Variants in SV2C observed in about 807,000 individuals in gnomAD.
SV2C encodes synaptic vesicle glycoprotein 2C, also known as solute carrier family 22 member B3.
A neutral mutation model predicts 79.7 loss-of-function variants in SV2C; 49 were observed. The ratio of observed to expected loss-of-function variants is 0.61; its 90% confidence interval spans 0.49 to 0.78. SV2C has a LOEUF of 0.78. Ranked by LOEUF, SV2C falls within the 30% of genes least tolerant of loss-of-function variation. The probability of loss-of-function intolerance (pLI) is 0.00; values close to 1 mark genes in which losing one functional copy is unlikely to be tolerated. For missense variants in SV2C, 833 were observed against 912.9 expected (o/e 0.91, Z 1.13); for synonymous variants, 334 against 333.2 (o/e 1.00, Z -0.03).
At chr5:76,087,303 G>A (rs748865752) in intron 1 of SV2C, among the ~76,000 whole-genome samples, 3 of 152,142 alleles carry the variant, frequency 2.0e-5, no homozygotes, top group Non-Finnish European at 2.9e-5. Context: ...CCTAATGTGC[G>A]TTATGCTTGC....
intron 2 of SV2C, among the ~76,000 whole-genome samples, chr5:76,163,252 G>A (rs1310997847): frequency 6.6e-6 from 1 of 152,038 alleles, no homozygotes; most frequent in Non-Finnish European, 1.5e-5. Flanking sequence ...GACCTGTTCT[G>A]TGGTTGCACT....
At chr5:76,039,071 C>A in the SV2C span, among the ~76,000 whole-genome samples, 17 of 152,206 alleles carry the variant, frequency 1.1e-4, no homozygotes, top group Non-Finnish European at 2.1e-4. Flanking sequence ...ACTAGACATT[C>A]AAGATGTGTC....
At chr5:76,037,579 C>G in the SV2C span, among the ~76,000 whole-genome samples, 3 of 152,268 alleles carry the variant, frequency 2.0e-5, no homozygotes, top group East Asian at 5.8e-4. Context: ...GTCGGGGACC[C>G]ACTTGAGGAG....
chr5:76,279,868 C>T (rs962764348), intron 4 of SV2C, among the ~76,000 whole-genome samples: 13 of 152,102 alleles, frequency 8.5e-5, no homozygotes, highest in African/African-American at 2.9e-4. Flanking sequence ...GGAACAGATA[C>T]TTACAGGAGT....
At chr5:75,973,699 A>G in the SV2C span, among the ~76,000 whole-genome samples, 3 of 151,988 alleles carry the variant, frequency 2.0e-5, no homozygotes, top group Non-Finnish European at 2.9e-5. Context: ...TAGAAGAGTA[A>G]GTACTACAAA....
chr5:76,135,941 T>C (rs1053172090), intron 2 of SV2C, among the ~76,000 whole-genome samples: 1 of 152,222 alleles, frequency 6.6e-6, no homozygotes, highest in African/African-American at 2.4e-5. Context: ...TGCTGGCACC[T>C]CTTCCCTTGC....
At chr5:76,205,145 G>A (rs1226569771) in intron 3 of SV2C, among the ~76,000 whole-genome samples, 1 of 147,322 alleles carries the variant, frequency 6.8e-6, no homozygotes, top group African/African-American at 2.5e-5. Context: ...TTGAGGTGTT[G>A]TGCGTGTGTG....
At chr5:76,194,342 C>T (rs958868682) in intron 2 of SV2C, among the ~76,000 whole-genome samples, 9 of 152,152 alleles carry the variant, frequency 5.9e-5, no homozygotes, top group African/African-American at 2.2e-4. Context: ...GAGGCATGAG[C>T]GGCAAACTTG....
chr5:75,921,389 G>A, the SV2C span: 1 of 845,072 alleles, frequency 1.2e-6, no homozygotes, highest in Admixed American at 1.7e-5. Flanking sequence ...GTCCTGCCCT[G>A]GGTCAAACTG....
At chr5:76,343,559 T>C (rs763697896) in intron 12 of SV2C, among the ~76,000 whole-genome samples, 2 of 151,986 alleles carry the variant, frequency 1.3e-5, no homozygotes, top group Non-Finnish European at 2.9e-5. Context: ...AAAAGACTGA[T>C]AATACCATGT....
intron 4 of SV2C, among the ~76,000 whole-genome samples, chr5:76,230,649 C>T (rs576808172): frequency 2.6e-5 from 4 of 152,034 alleles, no homozygotes; most frequent in East Asian, 3.9e-4. Context: ...ATTATCTGGG[C>T]GTGATGGCGG....
chr5:76,058,042 G>A, the SV2C span, among the ~76,000 whole-genome samples: 1 of 152,116 alleles, frequency 6.6e-6, no homozygotes, highest in Non-Finnish European at 1.5e-5. Flanking sequence ...TTAACACAGA[G>A]ATACTATTAT....
At chr5:76,128,397 A>C (rs557039646) in intron 1 of SV2C, among the ~76,000 whole-genome samples, 5 of 152,318 alleles carry the variant, frequency 3.3e-5, no homozygotes, top group African/African-American at 1.2e-4. Flanking sequence ...GTTATAAAAC[A>C]ATTTTAGTGT....
intron 1 of SV2C, among the ~76,000 whole-genome samples, chr5:76,122,146 A>T (rs149983693): frequency 0.084 from 12,337 of 146,316 alleles, 2,292 homozygotes; most frequent in African/African-American, 0.31. Flanking sequence ...TGAATGGGAG[A>T]TCACTCATAA....
rs922357260 is a variant in SV2C, at chr5:76,282,650, G to A, written c.914-2512G>A. Among the ~76,000 whole-genome samples the A allele has an allele frequency of 1.6e-4, 25 of 152,178 alleles. 1 individual carries two copies. Among genetic ancestry groups the A allele is most frequent in the Non-Finnish European group, 4.4e-5 (3 of 68,030 alleles). On this transcript the variant is annotated intron_variant, in intron 4 of 12. Coordinates refer to ENST00000502798, the MANE Select transcript of SV2C (RefSeq NM_014979.4). ...CCTGTTCTGGGACTTGGTGACCATTGTTTGTGTCCATGTTCATCTGAGTTC... is the reference window on the plus strand; with the variant it reads ...CCTGTTCTGGGACTTGGTGACCATTATTTGTGTCCATGTTCATCTGAGTTC...
At chr5:76,137,105 G>T (rs1749094780) in intron 2 of SV2C, among the ~76,000 whole-genome samples, 1 of 152,200 alleles carries the variant, frequency 6.6e-6, no homozygotes, top group African/African-American at 2.4e-5. Flanking sequence ...GGTTTTCATA[G>T]CTGTACGTTG....
chr5:76,188,966 G>A (rs1440590106), intron 2 of SV2C, among the ~76,000 whole-genome samples: 1 of 151,802 alleles, frequency 6.6e-6, no homozygotes. Context: ...ATTAGGTGGG[G>A]AGGGTCCATA....
At chr5:76,288,557 G>A (rs867714652) in intron 6 of SV2C, among the ~76,000 whole-genome samples, 10 of 152,254 alleles carry the variant, frequency 6.6e-5, no homozygotes, top group South Asian at 2.1e-4. Flanking sequence ...ACTCTTCTCA[G>A]CCAGATGAAG....
rs1465601033 is a variant in SV2C at position 76,266,927 on chromosome 5, C to T, written c.914-18235C>T. ...AATGAGGATTAACAGTCAGGTGCTC[C>T]AGTTCAGAGCCTGCACTGTCTACCT... On this transcript the variant is annotated intron_variant, in intron 4 of 12. Transcript: ENST00000502798. Among the ~76,000 whole-genome samples, 4 of 152,164 alleles carry T rather than the reference C, an allele frequency of 2.6e-5. No homozygotes were observed. The South Asian group carries it at 6.2e-4, about 24-fold the overall frequency.
Sources: gnomAD v4.1 joint callset for allele counts (sites outside exome capture counted in the v4.1 genomes callset) on GRCh38, gnomAD v4.1.1 for gene constraint, MANE v1.5 for transcripts, NCBI Gene and HGNC (gene_info 2026-07-23, HGNC 2026-07-21) for gene names.